SEPHS1: variants seen among roughly 807,000 people sequenced by gnomAD.
SEPHS1 encodes selenophosphate synthetase 1, also known as zincore component SEPHS1.
A neutral mutation model predicts 39.2 loss-of-function variants in SEPHS1; 7 were observed. The observed-to-expected ratio is 0.18, with a 90% CI of 0.10 to 0.34. The LOEUF (loss-of-function observed/expected upper bound fraction) is 0.34, where lower values mean the gene tolerates loss of function less well. Among genes scored for constraint, SEPHS1 ranks in the 10% least tolerant of loss-of-function variants. The probability of loss-of-function intolerance (pLI) is 1.00; values close to 1 mark genes in which losing one functional copy is unlikely to be tolerated. For missense variants in SEPHS1, 253 were observed against 514.5 expected, an observed-to-expected ratio of 0.49 and a Z score of 4.92; for synonymous variants, 190 against 195.5, an observed-to-expected ratio of 0.97 and a Z score of 0.23.
chr10:13,347,280 C>T (rs1217445995), intron 1 of SEPHS1: 2 of 152,112 alleles, frequency 1.3e-5, no homozygotes, highest in East Asian at 1.9e-4. Context: ...GACCTACCTC[C>T]CCGCCGGCCC....
At chr10:13,336,002 C>T (rs1588543836) in intron 4 of SEPHS1, among the ~76,000 whole-genome samples, 1 of 136,928 alleles carries the variant, frequency 7.3e-6, no homozygotes, top group African/African-American at 2.6e-5. Flanking sequence ...AAAAAAAAGT[C>T]TTGGTTTCAG....
At chr10:13,324,785 T>C (rs1833218202) in intron 7 of SEPHS1, among the ~76,000 whole-genome samples, 1 of 152,228 alleles carries the variant, frequency 6.6e-6, no homozygotes, top group Admixed American at 6.5e-5. Context: ...TAATTTTTTG[T>C]ATTTTTTTGG....
At chr10:13,341,685 G>A (rs1054813789) in intron 2 of SEPHS1, among the ~76,000 whole-genome samples, 17 of 152,304 alleles carry the variant, frequency 1.1e-4, no homozygotes, top group African/African-American at 3.6e-4. Context: ...GGCCGGGCGC[G>A]GGGGCTCATG....
intron 5 of SEPHS1, among the ~76,000 whole-genome samples, chr10:13,332,272 G>T (rs1833495905): frequency 6.6e-6 from 1 of 152,228 alleles, no homozygotes; most frequent in Non-Finnish European, 1.5e-5. Context: ...GCCAGACACA[G>T]CATGTCATGC....
chr10:13,326,473 CAAAAAA>C (rs34250326), intron 7 of SEPHS1, among the ~76,000 whole-genome samples: 2 of 131,328 alleles, frequency 1.5e-5, no homozygotes, highest in African/African-American at 6.0e-5. Context: ...AACTCCATCT[CAAAAAA>C]AAAAAAAAAA....
intron 6 of SEPHS1, among the ~76,000 whole-genome samples, chr10:13,328,692 T>A (rs1315114091): frequency 6.6e-6 from 1 of 152,214 alleles, no homozygotes; most frequent in East Asian, 1.9e-4. Flanking sequence ...TGTGATTTAT[T>A]GGGTATGTGT....
intron 2 of SEPHS1, among the ~76,000 whole-genome samples, chr10:13,341,124 G>A (rs1833770763): frequency 6.6e-6 from 1 of 151,752 alleles, no homozygotes; most frequent in Non-Finnish European, 1.5e-5. Flanking sequence ...TTGTATTTTT[G>A]GACAGCACTG....
chr10:13,347,570 C>G (rs1022161203), intron 1 of SEPHS1, among the ~76,000 whole-genome samples: 5 of 147,052 alleles, frequency 3.4e-5, no homozygotes, highest in Admixed American at 6.7e-5. Flanking sequence ...CGCACCCGCC[C>G]CGGGTCGACA....
intron 3 of SEPHS1, 142 bp from the exon 4 acceptor site, chr10:13,336,492 T>C: frequency 1.5e-6 from 1 of 685,004 alleles, no homozygotes; most frequent in East Asian, 2.7e-5. Context: ...TCAGTTTCTA[T>C]GATTTGCAGA....
intron 8 of SEPHS1, among the ~76,000 whole-genome samples, chr10:13,319,705 C>G (rs1019985806): frequency 2.0e-5 from 3 of 152,158 alleles, no homozygotes; most frequent in Non-Finnish European, 4.4e-5. Context: ...GTCTAAAACT[C>G]CTGGACTCAA....
chr10:13,340,001 G>A (rs1002836196), intron 2 of SEPHS1, among the ~76,000 whole-genome samples: 12 of 152,110 alleles, frequency 7.9e-5, no homozygotes, highest in African/African-American at 2.7e-4. Flanking sequence ...GCCAGAATTA[G>A]GACAAAAGGA....
intron 2 of SEPHS1, among the ~76,000 whole-genome samples, chr10:13,343,366 C>G (rs989365392): frequency 6.6e-6 from 1 of 152,154 alleles, no homozygotes; most frequent in Non-Finnish European, 1.5e-5. Flanking sequence ...CTGAGCTCCT[C>G]AAAGTCCTGC....
chr10:13,338,975 A>G (rs1833715947), intron 2 of SEPHS1, 167 bp from the exon 3 acceptor site: 2 of 621,608 alleles, frequency 3.2e-6, no homozygotes, highest in Admixed American at 2.7e-5. Flanking sequence ...AATAAACGTG[A>G]AACATATCCA....
chr10:13,345,012 GTTCT>G lies in SEPHS1; in HGVS notation c.-66_-63del, dbSNP rs1588551385. 3 of 1,348,182 alleles carry G rather than the reference GTTCT, an allele frequency of 2.2e-6. No individual in the cohort carries two copies. In the East Asian group the frequency reaches 8.1e-5, roughly 36 times the overall value. 83.5% of individuals were successfully genotyped at this position (1,348,182 alleles called of 1,614,324 possible). A position where few individuals can be genotyped will look rare whatever the true frequency, so the allele number is the denominator to read the frequency against. On this transcript the variant is annotated 5_prime_UTR_variant, in exon 2 of 9. Transcript: ENST00000327347. ...TCCCCTCCCTCTGCGGGTTGGCTGGGTTCTTTATGGATCCACCTGGGTGTCACCA... is the reference window on the plus strand; with the variant it reads ...TCCCCTCCCTCTGCGGGTTGGCTGGGTTATGGATCCACCTGGGTGTCACCA...
chr10:13,345,079 C>A (rs925240719), intron 1 of SEPHS1, 51 bp from the exon 2 acceptor site: 3 of 810,064 alleles, frequency 3.7e-6, no homozygotes, highest in Non-Finnish European at 5.5e-6. Flanking sequence ...CCCACTGGGA[C>A]CTGCCAGCGA....
At chr10:13,325,530 T>C (rs1833240286) in intron 7 of SEPHS1, among the ~76,000 whole-genome samples, 2 of 152,178 alleles carry the variant, frequency 1.3e-5, no homozygotes, top group African/African-American at 4.8e-5. Flanking sequence ...TAGGTGCCTG[T>C]TTCCCCTTCA....
chr10:13,333,925 G>T lies in SEPHS1; in HGVS notation c.452C>A (p.Ala151Glu). ...MPLIIQGFKD[A>E]AEEAGTSVTG... Reference sequence around the variant, plus strand: ...TACAGATGTTCCTGCTTCCTCAGCTGCGTCTTTAAAACCTTGGATAATCAG... The same window carrying T: ...TACAGATGTTCCTGCTTCCTCAGCTTCGTCTTTAAAACCTTGGATAATCAG... Residue 151 changes from alanine (A) to glutamate (E), a missense_variant, in exon 5 of 9, where the codon GCA becomes GAA. Coordinates refer to ENST00000327347, the MANE Select transcript of SEPHS1 (RefSeq NM_012247.5). 1 of 1,613,782 alleles carries T rather than the reference G, an allele frequency of 6.2e-7. No homozygotes were observed. Among genetic ancestry groups the T allele is most frequent in the African/African-American group, 1.3e-5 (1 of 75,024 alleles).
intron 2 of SEPHS1, 102 bp from the exon 3 acceptor site, chr10:13,338,910 G>A: frequency 1.2e-6 from 1 of 838,252 alleles, no homozygotes; most frequent in South Asian, 1.4e-5. Context: ...AGATACTTAT[G>A]GAAACTGCAG....
intron 5 of SEPHS1, among the ~76,000 whole-genome samples, chr10:13,330,391 G>A (rs1269079252): frequency 2.0e-5 from 3 of 152,142 alleles, no homozygotes; most frequent in South Asian, 2.1e-4. Flanking sequence ...CAGACTGACT[G>A]ATGGTGAGTT....
Sources: allele counts gnomAD v4.1 joint callset (sites outside exome capture counted in the v4.1 genomes callset), GRCh38; gene constraint gnomAD v4.1.1; transcripts MANE v1.5; gene names NCBI Gene and HGNC (gene_info 2026-07-23, HGNC 2026-07-21).